BTBD16: variants seen among roughly 807,000 people sequenced by gnomAD.
BTBD16 encodes BTB domain containing 16.
In BTBD16, 66 loss-of-function variants were observed where a neutral mutation model predicts 67.4. The ratio of observed to expected loss-of-function variants is 0.98; its 90% CI spans 0.80 to 1.20. The LOEUF (loss-of-function observed/expected upper bound fraction) is 1.20, where lower values mean the gene tolerates loss of function less well. Among genes scored for constraint, BTBD16 ranks in the 50% most tolerant of loss-of-function variants. The pLI, the probability that BTBD16 is intolerant of heterozygous loss-of-function variation, is 0.00. For missense variants in BTBD16, 634 were observed against 616.0 expected, an observed-to-expected ratio of 1.03 and a Z score of -0.31; for synonymous variants, 242 against 236.4, an observed-to-expected ratio of 1.02 and a Z score of -0.22.
At chr10:122,302,744 G>A (rs2096396533) in intron 9 of BTBD16, among the ~76,000 whole-genome samples, 1 of 152,202 alleles carries the variant, frequency 6.6e-6, no homozygotes, top group Admixed American at 6.5e-5. Context: ...GCTATATACA[G>A]TTGTTGTTGT....
At chr10:122,280,561 A>AC (rs1458799516) in intron 3 of BTBD16, among the ~76,000 whole-genome samples, 2 of 30,488 alleles carry the variant, frequency 6.6e-5, no homozygotes, top group East Asian at 0.029. Flanking sequence ...CTATATTTTT[A>AC]TATTATATTA....
intron 14 of BTBD16, 140 bp downstream of exon 14, chr10:122,335,119 T>A (rs2096461532): frequency 1.9e-6 from 1 of 524,744 alleles, no homozygotes. Flanking sequence ...ACCACGCTCA[T>A]GTATGTGATG....
chr10:122,334,945 A>G lies in BTBD16; in HGVS notation c.1229A>G (p.Lys410Arg). The G allele has an allele frequency of 6.4e-7, 1 of 1,565,330 alleles. No homozygotes were observed. Among genetic ancestry groups the G allele is most frequent in the South Asian group, 1.1e-5 (1 of 89,524 alleles). ...TTCTTCTTTAAGATAAAGGGACTCA[A>G]ACATGATACTACCTCTTATAGTTTT... ...YGFFFKIKGL[K>R]HDTTSYSFYM... Residue 410 changes from lysine to arginine, a missense_variant, in exon 14 of 16, where the codon AAA becomes AGA. Transcript: ENST00000260723.
chr10:122,282,539 A>G (rs1461611707), intron 3 of BTBD16, among the ~76,000 whole-genome samples: 1 of 152,246 alleles, frequency 6.6e-6, no homozygotes, highest in Non-Finnish European at 1.5e-5. Context: ...GACACAGAGC[A>G]GCTGTGGTCA....
At chr10:122,322,637 G>A (rs551155013) in intron 10 of BTBD16, among the ~76,000 whole-genome samples, 2 of 152,274 alleles carry the variant, frequency 1.3e-5, no homozygotes, top group African/African-American at 2.4e-5. Context: ...TGGAATCCAC[G>A]GTGATTTATA....
intron 3 of BTBD16, among the ~76,000 whole-genome samples, chr10:122,277,646 G>A (rs978293586): frequency 1.3e-5 from 2 of 152,078 alleles, no homozygotes; most frequent in Non-Finnish European, 2.9e-5. Flanking sequence ...GGAAGCAAGA[G>A]AGAGGAGAGA....
intron 3 of BTBD16, among the ~76,000 whole-genome samples, chr10:122,282,302 G>A (rs1045956358): frequency 2.0e-5 from 3 of 152,206 alleles, no homozygotes; most frequent in East Asian, 3.8e-4. Context: ...GGGAGGAAGC[G>A]AGGGTGGCTT....
intron 8 of BTBD16, among the ~76,000 whole-genome samples, chr10:122,298,331 G>T (rs892217948): frequency 6.6e-6 from 1 of 152,184 alleles, no homozygotes; most frequent in African/African-American, 2.4e-5. Context: ...CCTGGGGGGG[G>T]ATACCAAGCA....
At chr10:122,291,440 T>G (rs899768162) in intron 7 of BTBD16, 8 of 416,050 alleles carry the variant, frequency 1.9e-5, no homozygotes, top group Non-Finnish European at 3.4e-5. Context: ...GAAATGCAAA[T>G]GGGAGGATTT....
At chr10:122,272,489 G>A (rs530788571) in intron 1 of BTBD16, among the ~76,000 whole-genome samples, 1 of 152,260 alleles carries the variant, frequency 6.6e-6, no homozygotes, top group South Asian at 2.1e-4. Context: ...TTACAGGCAT[G>A]CGCCACCACA....
intron 3 of BTBD16, among the ~76,000 whole-genome samples, chr10:122,279,980 C>T (rs1328516250): frequency 1.3e-5 from 2 of 152,088 alleles, no homozygotes; most frequent in Non-Finnish European, 1.5e-5. Context: ...CTTCCTTCTG[C>T]CGTGTCTGGG....
In BTBD16 at chr10:122,275,738, T is replaced by A. The variant is rs1314432935; in HGVS notation, c.18+639T>A. Among the ~76,000 whole-genome samples the A allele has an allele frequency of 3.9e-5, 6 of 152,206 alleles. No individual in the cohort carries two copies. In the East Asian group the frequency reaches 1.2e-3, roughly 29 times the overall value. On this transcript the variant is annotated intron_variant, in intron 2 of 15. Transcript: ENST00000260723. ...TGCTTTTTTCCTTGCTAGGTTGCTT[T>A]GAGCCTTCAGTCTAAGGTTTACATC...
intron 9 of BTBD16, 144 bp from the exon 10 acceptor site, chr10:122,307,045 G>A (rs534924317): frequency 5.7e-5 from 51 of 902,162 alleles, no homozygotes; most frequent in Middle Eastern, 2.5e-4. Context: ...TGAGTAAGCT[G>A]TTTACCTGCT....
chr10:122,334,195 T>A (rs1279810530), intron 13 of BTBD16, among the ~76,000 whole-genome samples: 4 of 103,856 alleles, frequency 3.9e-5, no homozygotes, highest in African/African-American at 1.9e-4. Context: ...TCCTCTTGAC[T>A]TTTTTTTTTT....
chr10:122,274,244 G>GGGCCCCCCTCTTT (rs1174449736), intron 1 of BTBD16, among the ~76,000 whole-genome samples: 1 of 152,226 alleles, frequency 6.6e-6, no homozygotes, highest in Admixed American at 6.5e-5. Flanking sequence ...GCCAAAGAGT[G>GGGCCCCCCTCTTT]GGCCCCTGAG....
intron 1 of BTBD16, among the ~76,000 whole-genome samples, chr10:122,274,332 C>T (rs1297215025): frequency 5.9e-5 from 9 of 152,188 alleles, no homozygotes; most frequent in Admixed American, 1.3e-4. Context: ...GTGGGAGAGC[C>T]GACTCATGCT....
rs1213621340 is a variant in BTBD16 at position 122,276,910 on chromosome 10, C to T, written c.138C>T (p.Asp46=). 1 of 1,614,122 alleles carries T rather than the reference C, an allele frequency of 6.2e-7. No homozygotes were observed. The highest frequency in any genetic ancestry group is 8.5e-7 in the Non-Finnish European group (1 of 1,180,008). The change falls in exon 3 of 16, where the codon GAC becomes GAT. Residue 46 remains aspartate, a synonymous_variant. Transcript: ENST00000260723. ...AGATGTGCAAGGCTCTGAGCATAGA[C>T]TTTGAGGAAGCTTTGAGGAACCCAG... ...LSQMCKALSI[D]FEEALRNPDR...
chr10:122,300,328 G>T (rs1200591512), intron 9 of BTBD16, among the ~76,000 whole-genome samples: 2 of 151,660 alleles, frequency 1.3e-5, no homozygotes, highest in African/African-American at 4.9e-5. Flanking sequence ...ATAATGCATA[G>T]AATATATATT....
chr10:122,307,200 T>C lies in BTBD16; in HGVS notation c.803T>C (p.Phe268Ser). ...KVLKSPRLFT[F>S]SEFHLLKTML... ...TTTATTTTGGCCAGGTTATTTACCT[T>C]TAGTGAATTCCATCTTCTGAAAACA... The change falls in exon 10 of 16, where the codon TTT (phenylalanine) becomes TCT (serine). Residue 268 changes from phenylalanine (F) to serine (S), a missense_variant. Phe to Ser is a radical substitution (Grantham distance 155). Transcript: ENST00000260723. The C allele has an allele frequency of 6.2e-7, 1 of 1,602,848 alleles. No homozygotes were observed. The highest frequency in any genetic ancestry group is 1.8e-5 in the Admixed American group (1 of 57,116).
Sources: gnomAD v4.1 joint callset for allele counts (sites outside exome capture counted in the v4.1 genomes callset) on GRCh38, gnomAD v4.1.1 for gene constraint, MANE v1.5 for transcripts, NCBI Gene and HGNC (gene_info 2026-07-23, HGNC 2026-07-21) for gene names.